Variants in MAP3K20 observed in about 807,000 individuals in gnomAD.
MAP3K20 encodes HCCS-4.
Under a neutral mutation model 85.7 loss-of-function variants are expected in MAP3K20, and 40 were observed. The observed-to-expected ratio is 0.47, with a 90% CI of 0.36 to 0.61. The LOEUF is 0.61. Among genes scored for constraint, MAP3K20 ranks in the 20% least tolerant of loss-of-function variants. The pLI is 0.00. For missense variants in MAP3K20, 817 were observed against 961.7 expected, an observed-to-expected ratio of 0.85 and a Z score of 1.99; for synonymous variants, 325 against 327.7, an observed-to-expected ratio of 0.99 and a Z score of 0.09.
At position 173,237,019 on chromosome 2, in the gene MAP3K20, C is replaced by CTTTTT. The variant is rs368196400; in HGVS notation, c.1204-1333_1204-1329dup. Among the ~76,000 whole-genome samples, 119 of 75,572 alleles carry CTTTTT rather than the reference C, an allele frequency of 1.6e-3. 4 individuals are homozygous for CTTTTT. Among genetic ancestry groups the CTTTTT allele is most frequent in the East Asian group, 6.5e-3 (13 of 1,994 alleles). 49.6% of individuals were successfully genotyped at this position (75,572 alleles called of 152,430 possible). A position where few individuals can be genotyped will look rare whatever the true frequency, so the allele number is the denominator to read the frequency against. On this transcript the variant is annotated intron_variant, in intron 14 of 19. Transcript: ENST00000375213. ...CTGGACAGTGGAGCAGTATATCCAC[C>CTTTTT]TTTTTTTTTTTTTTTTTTTTTTTTT...
intron 2 of MAP3K20, among the ~76,000 whole-genome samples, chr2:173,098,499 G>A (rs1687530307): frequency 6.6e-6 from 1 of 152,186 alleles, no homozygotes; most frequent in African/African-American, 2.4e-5. Context: ...ATAAGATACA[G>A]ATGAAACATA....
At chr2:173,109,029 T>C (rs1687867168) in intron 2 of MAP3K20, among the ~76,000 whole-genome samples, 1 of 152,222 alleles carries the variant, frequency 6.6e-6, no homozygotes, top group African/African-American at 2.4e-5. Context: ...GCTTTTGATA[T>C]TTTCTGCTTC....
chr2:173,242,176 A>AT (rs1198999662), intron 16 of MAP3K20, among the ~76,000 whole-genome samples: 34 of 145,876 alleles, frequency 2.3e-4, no homozygotes, highest in African/African-American at 7.1e-4. Context: ...AAGAAAAAAA[A>AT]ATTTTTTTTT....
chr2:173,200,654 G>T (rs951067390), intron 8 of MAP3K20, among the ~76,000 whole-genome samples: 2 of 151,916 alleles, frequency 1.3e-5, no homozygotes, highest in African/African-American at 4.8e-5. Context: ...AAATTAGCTG[G>T]GTGTGGTTGT....
intron 2 of MAP3K20, among the ~76,000 whole-genome samples, chr2:173,139,158 C>G (rs1022250926): frequency 2.6e-5 from 4 of 152,146 alleles, no homozygotes; most frequent in Admixed American, 2.6e-4. Context: ...TGTATGATTC[C>G]CAGAAGCACA....
intron 3 of MAP3K20, among the ~76,000 whole-genome samples, chr2:173,173,615 A>C (rs1574078261): frequency 6.6e-6 from 1 of 152,212 alleles, no homozygotes; most frequent in Non-Finnish European, 1.5e-5. Context: ...GCACAGATAC[A>C]TCTAATTTGC....
chr2:173,125,845 G>C (rs1022271171), intron 2 of MAP3K20, among the ~76,000 whole-genome samples: 1 of 152,070 alleles, frequency 6.6e-6, no homozygotes, highest in Non-Finnish European at 1.5e-5. Context: ...TGTATTTTTA[G>C]TAGAGATGGG....
At chr2:173,233,214 A>G (rs2106332224) in intron 14 of MAP3K20, among the ~76,000 whole-genome samples, 1 of 152,324 alleles carries the variant, frequency 6.6e-6, no homozygotes, top group Admixed American at 6.5e-5. Flanking sequence ...AGGAATCCCT[A>G]AGGACCCCAG....
At chr2:173,165,889 T>C (rs9941608) in intron 2 of MAP3K20, among the ~76,000 whole-genome samples, 19,636 of 152,166 alleles carry the variant, frequency 0.13, 1,637 homozygotes, top group African/African-American at 0.23. Context: ...CAAGCTGATC[T>C]CAAACTCCTG....
At chr2:173,084,221 A>T (rs899526802) in intron 1 of MAP3K20, among the ~76,000 whole-genome samples, 5 of 151,972 alleles carry the variant, frequency 3.3e-5, no homozygotes, top group Non-Finnish European at 7.4e-5. Context: ...AGTAGATTTA[A>T]TTTTTTTTAA....
intron 16 of MAP3K20, among the ~76,000 whole-genome samples, chr2:173,255,705 G>A (rs372426513): frequency 6.6e-6 from 1 of 152,312 alleles, no homozygotes; most frequent in African/African-American, 2.4e-5. Flanking sequence ...AGTGAAGCAG[G>A]GGAAGTTCAG....
At chr2:173,096,539 C>T (rs1476611131) in intron 2 of MAP3K20, among the ~76,000 whole-genome samples, 2 of 152,018 alleles carry the variant, frequency 1.3e-5, no homozygotes, top group African/African-American at 2.4e-5. Context: ...GGGGTTTCAC[C>T]GTGTTAGCCA....
Position 173,098,692 on chromosome 2 carries a change from A to G in MAP3K20, c.159+7502A>G, listed in dbSNP as rs548553734. 3.9e-5 allele frequency among the ~76,000 whole-genome samples: 6 copies of G among 152,286 alleles called. No homozygotes were observed. In the South Asian group the frequency reaches 1.2e-3, roughly 32 times the overall value. On this transcript the variant is annotated intron_variant, in intron 2 of 19. Transcript: ENST00000375213. ...AGAATATTGGTTATAGCATCTCCAC[A>G]TGCCTAGTCTCTTCCCCTTCACTCA... is the stretch of plus-strand genomic sequence containing the variant.
intron 10 of MAP3K20, among the ~76,000 whole-genome samples, chr2:173,213,919 A>G (rs1683990910): frequency 6.6e-6 from 1 of 152,216 alleles, no homozygotes; most frequent in Non-Finnish European, 1.5e-5. Flanking sequence ...CAACACATTC[A>G]GACTACTCCC....
chr2:173,124,911 C>T (rs1688398808), intron 2 of MAP3K20, among the ~76,000 whole-genome samples: 1 of 152,138 alleles, frequency 6.6e-6, no homozygotes, highest in African/African-American at 2.4e-5. Context: ...TCACTTGATC[C>T]CAGGAGTTCC....
intron 10 of MAP3K20, among the ~76,000 whole-genome samples, chr2:173,213,056 A>G (rs1438281113): frequency 1.3e-5 from 2 of 152,064 alleles, no homozygotes; most frequent in African/African-American, 4.8e-5. Flanking sequence ...TATAAAATAA[A>G]TATATATTAT....
At chr2:173,236,266 TAAA>T (rs67764486) in intron 14 of MAP3K20, among the ~76,000 whole-genome samples, 1,093 of 64,708 alleles carry the variant, frequency 0.017, 8 homozygotes, top group South Asian at 0.042. Context: ...AGACCCTGTC[TAAA>T]AAAAAAAAAA....
At chr2:173,088,327 C>T (rs889132439) in intron 1 of MAP3K20, among the ~76,000 whole-genome samples, 4 of 152,148 alleles carry the variant, frequency 2.6e-5, no homozygotes, top group African/African-American at 4.8e-5. Flanking sequence ...ATTGACTTAA[C>T]CAAATGTTAC....
Position 173,266,203 on chromosome 2 carries a change from A to G in MAP3K20, c.1856A>G (p.Gln619Arg). 6.2e-7 allele frequency: 1 copy of G among 1,614,094 alleles called. No individual in the cohort carries two copies. The highest frequency in any genetic ancestry group is 2.2e-5 in the East Asian group (1 of 44,872). Residue 619 changes from glutamine (Q) to arginine (R), a missense_variant, in exon 20 of 20, where the codon CAG becomes CGG. Coordinates refer to ENST00000375213, the MANE Select transcript of MAP3K20 (RefSeq NM_016653.3). ...TACGCTGCTGCTGTGAGACGGCCCC[A>G]GGTGCCCATTAAGTATCAACAGATT... The part of the protein sequence containing the change: ...DSYAAAVRRP[Q>R]VPIKYQQITP...
Sources: allele counts gnomAD v4.1 joint callset (sites outside exome capture counted in the v4.1 genomes callset), GRCh38; gene constraint gnomAD v4.1.1; transcripts MANE v1.5; gene names NCBI Gene and HGNC (gene_info 2026-07-23, HGNC 2026-07-21).